Variants in CPEB3 observed in about 807,000 individuals in gnomAD.
CPEB3 encodes the protein cytoplasmic polyadenylation element binding protein 3.
A neutral mutation model predicts 67.2 loss-of-function variants in CPEB3; 20 were observed. The observed-to-expected ratio is 0.30, with a 90% CI of 0.21 to 0.43. The LOEUF (loss-of-function observed/expected upper bound fraction) is 0.43, where lower values mean the gene tolerates loss of function less well. CPEB3 is among the 20% of genes least tolerant of loss of function. CPEB3 has a pLI of 1.00. For synonymous variants in CPEB3, 376 were observed against 393.1 expected (o/e 0.96, Z 0.51); for missense variants, 746 against 968.6 (o/e 0.77, Z 3.05).
chr10:92,144,835 T>G (rs1846602740), intron 5 of CPEB3, 110 bp downstream of exon 5: 1 of 889,142 alleles, frequency 1.1e-6, no homozygotes, highest in Non-Finnish European at 1.8e-6. Context: ...TCTCACCTCC[T>G]ATGCACTAAG....
At chr10:92,146,642 G>C (rs936306728) in intron 4 of CPEB3, among the ~76,000 whole-genome samples, 1 of 152,140 alleles carries the variant, frequency 6.6e-6, no homozygotes, top group Non-Finnish European at 1.5e-5. Flanking sequence ...AACCCAGGTA[G>C]TGTAAAAAAG....
intron 4 of CPEB3, among the ~76,000 whole-genome samples, chr10:92,146,937 C>T (rs1846711944): frequency 6.6e-6 from 1 of 152,182 alleles, no homozygotes. Context: ...TATTCCATAG[C>T]CCACACTCAG....
chr10:92,069,462 G>C (rs1278721722), intron 9 of CPEB3, among the ~76,000 whole-genome samples: 1 of 152,148 alleles, frequency 6.6e-6, no homozygotes, highest in Non-Finnish European at 1.5e-5. Flanking sequence ...GGAGTGCAAT[G>C]GTGTGATCTC....
intron 7 of CPEB3, among the ~76,000 whole-genome samples, chr10:92,096,249 A>G (rs772533528): frequency 6.6e-6 from 1 of 152,164 alleles, no homozygotes. Flanking sequence ...GACTATTTAT[A>G]TAGCATTTAC....
rs147291410 is a variant in CPEB3 at position 92,173,378 on chromosome 10, C to A, written c.1222+7585G>T. ...TCTTCCAAAATGCAATAAAGTCAGT[C>A]AAGAACATTTCAGACTTCACTTATT... On this transcript the variant is annotated intron_variant, in intron 4 of 9. Transcript: ENST00000265997. Among the ~76,000 whole-genome samples the A allele has an allele frequency of 1.3e-3, 196 of 152,230 alleles. 3 individuals are homozygous for A. In the East Asian group the frequency reaches 0.029, roughly 22 times the overall value.
At chr10:92,221,474 C>A (rs1850695887) in intron 2 of CPEB3, among the ~76,000 whole-genome samples, 2 of 152,186 alleles carry the variant, frequency 1.3e-5, no homozygotes, top group African/African-American at 4.8e-5. Context: ...GCCTGGACAA[C>A]AGAGCAAGAC....
chr10:92,135,365 C>T (rs542738415), intron 6 of CPEB3, among the ~76,000 whole-genome samples: 6 of 152,286 alleles, frequency 3.9e-5, no homozygotes, highest in Non-Finnish European at 8.8e-5. Context: ...TGAATACGCA[C>T]TTCTCAAAAG....
At chr10:92,148,004 T>A (rs981543507) in intron 4 of CPEB3, among the ~76,000 whole-genome samples, 2 of 152,256 alleles carry the variant, frequency 1.3e-5, no homozygotes, top group African/African-American at 4.8e-5. Context: ...TCCTGCCAAT[T>A]CAAGCAGAGT....
intron 9 of CPEB3, among the ~76,000 whole-genome samples, chr10:92,052,777 T>C (rs1841947629): frequency 6.6e-6 from 1 of 152,160 alleles, no homozygotes; most frequent in Non-Finnish European, 1.5e-5. Flanking sequence ...CAAAGGGTGC[T>C]GGGGAGGATT....
At chr10:92,272,315 C>T (rs1853342432) in intron 1 of CPEB3, 3 of 152,086 alleles carry the variant, frequency 2.0e-5, no homozygotes. Flanking sequence ...CCTTTTCTGG[C>T]ACTGCAGATG....
intron 1 of CPEB3, among the ~76,000 whole-genome samples, chr10:92,240,813 C>G (rs1166994065): frequency 6.6e-6 from 1 of 152,034 alleles, no homozygotes. Flanking sequence ...AAAAAGACAC[C>G]GCACACACGA....
chr10:92,146,625 T>C (rs1261857501), intron 4 of CPEB3, among the ~76,000 whole-genome samples: 1 of 152,224 alleles, frequency 6.6e-6, no homozygotes, highest in Non-Finnish European at 1.5e-5. Flanking sequence ...CTGGTTATTT[T>C]GTGAACAACC....
At chr10:92,186,621 G>A (rs1050375564) in intron 3 of CPEB3, among the ~76,000 whole-genome samples, 1 of 151,976 alleles carries the variant, frequency 6.6e-6, no homozygotes, top group African/African-American at 2.4e-5. Flanking sequence ...TTTTAGTAGA[G>A]GCAGGGTTTC....
intron 1 of CPEB3, among the ~76,000 whole-genome samples, chr10:92,269,626 C>T (rs909451531): frequency 8.5e-5 from 13 of 152,074 alleles, no homozygotes; most frequent in Non-Finnish European, 1.3e-4. Flanking sequence ...GGCGCAATCT[C>T]GGCTCACCAC....
At chr10:92,168,704 T>C (rs1283306255) in intron 4 of CPEB3, among the ~76,000 whole-genome samples, 2 of 152,048 alleles carry the variant, frequency 1.3e-5, no homozygotes, top group South Asian at 2.1e-4. Flanking sequence ...TGAAGAAGGA[T>C]GTGTTTGCTT....
At chr10:92,244,582 G>A (rs1175323587) in intron 1 of CPEB3, among the ~76,000 whole-genome samples, 1 of 151,016 alleles carries the variant, frequency 6.6e-6, no homozygotes, top group Non-Finnish European at 1.5e-5. Flanking sequence ...GGACTACAGG[G>A]GCATGCCACC....
At chr10:92,291,206 G>A (rs528901143), upstream of CPEB3, 147 of 512,620 alleles carry the variant, frequency 2.9e-4, 1 homozygote, top group African/African-American at 2.5e-3. Flanking sequence ...GCAACTCGGC[G>A]CCCGCGGTCC....
At chr10:92,072,850 G>A (rs368570193) in intron 9 of CPEB3, among the ~76,000 whole-genome samples, 1 of 152,058 alleles carries the variant, frequency 6.6e-6, no homozygotes. Flanking sequence ...TCAAGTATGC[G>A]GAGGCAGAAG....
At chr10:92,068,050 A>T (rs964629285) in intron 9 of CPEB3, among the ~76,000 whole-genome samples, 5 of 152,214 alleles carry the variant, frequency 3.3e-5, no homozygotes, top group African/African-American at 1.2e-4. Context: ...GTTATGAAAG[A>T]TTTTAAAATT....
Sources: allele counts gnomAD v4.1 joint callset (sites outside exome capture counted in the v4.1 genomes callset), GRCh38; gene constraint gnomAD v4.1.1; transcripts MANE v1.5; gene names NCBI Gene and HGNC (gene_info 2026-07-23, HGNC 2026-07-21).